The following CCSER1 variants were observed in gnomAD, a reference collection of about 807,000 sequenced individuals.
CCSER1 encodes the protein coiled-coil serine rich protein 1, also known as serine-rich coiled-coil domain-containing protein 1.
Under a neutral mutation model 82.0 loss-of-function variants are expected in CCSER1, and 41 were observed. The ratio of observed to expected loss-of-function variants is 0.50; its 90% CI spans 0.39 to 0.65. The LOEUF (loss-of-function observed/expected upper bound fraction) is 0.65. Among genes scored for constraint, CCSER1 ranks in the 30% least tolerant of loss-of-function variants. The pLI, the probability that CCSER1 is intolerant of heterozygous loss-of-function variation, is 0.00. For synonymous variants in CCSER1, 414 were observed against 383.9 expected, an observed-to-expected ratio of 1.08 and a Z score of -0.92; for missense variants, 1,119 against 1,064.2, an observed-to-expected ratio of 1.05 and a Z score of -0.72.
intron 10 of CCSER1, among the ~76,000 whole-genome samples, chr4:91,333,790 G>A (rs556752744): frequency 7.0e-4 from 107 of 152,148 alleles, no homozygotes; most frequent in African/African-American, 2.2e-3. Flanking sequence ...CTAAGTAGGA[G>A]CTGAAATCTG....
chr4:90,271,890 T>TTTTTTTTTTA lies in CCSER1; in HGVS notation c.-41-36354_-41-36353insTTTTTTTTTA, dbSNP rs1553982851. On this transcript the variant is annotated intron_variant, in intron 1 of 10. Coordinates refer to ENST00000509176, the MANE Select transcript of CCSER1 (RefSeq NM_001145065.2). Reference sequence around the variant, plus strand: ...TTTTTTTTTTTTTTTTTTTTTTTTTTAAAAGGAGGTTTAATTGACTCACAG... The same window carrying TTTTTTTTTTA: ...TTTTTTTTTTTTTTTTTTTTTTTTTTTTTTTTTTTAAAAAGGAGGTTTAATTGACTCACAG... Among the ~76,000 whole-genome samples, 19 of 70,110 alleles carry TTTTTTTTTTA rather than the reference T, an allele frequency of 2.7e-4. 1 individual carries two copies. Among genetic ancestry groups the TTTTTTTTTTA allele is most frequent in the Non-Finnish European group, 3.0e-4 (11 of 37,072 alleles). 46.0% of individuals were successfully genotyped at this position (70,110 alleles called of 152,430 possible).
intron 10 of CCSER1, among the ~76,000 whole-genome samples, chr4:91,121,540 G>A (rs1050468561): frequency 6.6e-6 from 1 of 151,496 alleles, no homozygotes; most frequent in African/African-American, 2.4e-5. Flanking sequence ...TGTAAATAAA[G>A]TGAAAAATTT....
At chr4:91,057,388 T>C (rs900552119) in intron 9 of CCSER1, among the ~76,000 whole-genome samples, 1 of 152,174 alleles carries the variant, frequency 6.6e-6, no homozygotes, top group African/African-American at 2.4e-5. Context: ...ATTCCTGGTG[T>C]TCCCCACCCC....
intron 9 of CCSER1, among the ~76,000 whole-genome samples, chr4:90,944,513 C>A (rs544633192): frequency 8.5e-5 from 13 of 152,138 alleles, no homozygotes; most frequent in Non-Finnish European, 1.8e-4. Flanking sequence ...CGACATTGAA[C>A]ATCCACTTTG....
chr4:90,148,862 C>T (rs570964724), intron 1 of CCSER1, among the ~76,000 whole-genome samples: 1 of 152,212 alleles, frequency 6.6e-6, no homozygotes, highest in South Asian at 2.1e-4. Flanking sequence ...CTACTTTCCT[C>T]CTAGAAGGCA....
At chr4:91,481,366 G>C (rs1757901326) in intron 10 of CCSER1, among the ~76,000 whole-genome samples, 1 of 152,004 alleles carries the variant, frequency 6.6e-6, no homozygotes, top group Non-Finnish European at 1.5e-5. Context: ...GTGTTCTCAC[G>C]TGATCTTTCC....
chr4:90,694,579 C>T (rs1354498410), intron 6 of CCSER1, among the ~76,000 whole-genome samples: 3 of 151,894 alleles, frequency 2.0e-5, no homozygotes, highest in African/African-American at 7.2e-5. Context: ...TGTGCAATTG[C>T]TCAAAGTATT....
intron 4 of CCSER1, among the ~76,000 whole-genome samples, chr4:90,422,772 T>G (rs186388700): frequency 3.3e-5 from 5 of 152,322 alleles, no homozygotes; most frequent in African/African-American, 4.8e-5. Context: ...AGAAGCATCT[T>G]CAGGCTGTGT....
At chr4:91,486,349 G>C (rs898051404) in intron 10 of CCSER1, among the ~76,000 whole-genome samples, 2 of 151,826 alleles carry the variant, frequency 1.3e-5, no homozygotes, top group Admixed American at 6.6e-5. Context: ...ATTTAATATG[G>C]CTTGAAATAA....
At chr4:90,610,803 C>T (rs141558639) in intron 5 of CCSER1, among the ~76,000 whole-genome samples, 125 of 152,176 alleles carry the variant, frequency 8.2e-4, no homozygotes, top group African/African-American at 2.8e-3. Flanking sequence ...GAAGGCAGAT[C>T]GACCTTTATC....
At chr4:90,476,021 CGTGTGT>C (rs148001576) in intron 5 of CCSER1, among the ~76,000 whole-genome samples, 13 of 148,492 alleles carry the variant, frequency 8.8e-5, no homozygotes, top group Admixed American at 2.7e-4. Flanking sequence ...CTTCTTTTCT[CGTGTGT>C]GTGTGTGTGT....
intron 8 of CCSER1, among the ~76,000 whole-genome samples, chr4:90,816,489 G>T (rs186906796): frequency 9.2e-5 from 14 of 152,056 alleles, no homozygotes; most frequent in Non-Finnish European, 2.9e-5. Context: ...CTAAGTATGT[G>T]TTTTCTATGT....
chr4:90,767,330 A>G (rs1159753016), intron 7 of CCSER1, among the ~76,000 whole-genome samples: 1 of 152,154 alleles, frequency 6.6e-6, no homozygotes, highest in African/African-American at 2.4e-5. Flanking sequence ...GAAAGGCAGC[A>G]TAATGTGACT....
intron 7 of CCSER1, among the ~76,000 whole-genome samples, chr4:90,752,161 C>G (rs963365011): frequency 6.6e-6 from 1 of 152,044 alleles, no homozygotes; most frequent in African/African-American, 2.4e-5. Context: ...ATGAGTTAAG[C>G]TAGGCATTTT....
chr4:91,158,688 T>C (rs1282036737), intron 10 of CCSER1, among the ~76,000 whole-genome samples: 1 of 151,578 alleles, frequency 6.6e-6, no homozygotes, highest in Non-Finnish European at 1.5e-5. Context: ...CAAACGCACA[T>C]GCACGCACAC....
chr4:90,419,581 G>A (rs1343830053), intron 4 of CCSER1, among the ~76,000 whole-genome samples: 3 of 151,740 alleles, frequency 2.0e-5, no homozygotes, highest in African/African-American at 7.3e-5. Context: ...AATATACTTG[G>A]TTATATGTTT....
At chr4:91,546,459 A>G (rs1401664004) in intron 10 of CCSER1, among the ~76,000 whole-genome samples, 1 of 152,022 alleles carries the variant, frequency 6.6e-6, no homozygotes, top group Admixed American at 6.6e-5. Flanking sequence ...CTATTTTTGT[A>G]TGAGGTTTGA....
At chr4:90,959,697 T>TAAAG (rs143582976) in intron 9 of CCSER1, among the ~76,000 whole-genome samples, 138,365 of 151,074 alleles carry the variant, frequency 0.92, 63,501 homozygotes, top group Middle Eastern at 0.96. Context: ...TATGATCAGA[T>TAAAG]AAAGAGACTT....
chr4:90,898,497 A>G (rs574125305), intron 8 of CCSER1, among the ~76,000 whole-genome samples: 1 of 148,354 alleles, frequency 6.7e-6, no homozygotes, highest in Non-Finnish European at 1.5e-5. Context: ...TATGTTGGCC[A>G]GGTTGGTCTT....
Sources: gnomAD v4.1 joint callset for allele counts (sites outside exome capture counted in the v4.1 genomes callset) on GRCh38, gnomAD v4.1.1 for gene constraint, MANE v1.5 for transcripts, NCBI Gene and HGNC (gene_info 2026-07-23, HGNC 2026-07-21) for gene names.